The following GCM1 variants were observed in gnomAD, a reference collection of about 807,000 sequenced individuals.
GCM1 encodes the protein chorion-specific transcription factor GCMa.
Under a neutral mutation model 25.7 loss-of-function variants are expected in GCM1, and 2 were observed. The ratio of observed to expected loss-of-function variants is 0.08; its 90% confidence interval spans 0.03 to 0.24. The LOEUF is 0.24. GCM1 is among the 10% of genes least tolerant of loss of function. GCM1 has a pLI of 1.00. For missense variants in GCM1, 395 were observed against 538.7 expected (o/e 0.73, Z 2.64); for synonymous variants, 183 against 195.7 (o/e 0.94, Z 0.54).
intron 2 of GCM1, among the ~76,000 whole-genome samples, chr6:53,137,345 C>G (rs1763815639): frequency 6.6e-6 from 1 of 152,238 alleles, no homozygotes; most frequent in Admixed American, 6.5e-5. Flanking sequence ...CTCCTGCTCT[C>G]TCCACCCACC....
At chr6:53,133,489 G>A (rs1481996014) in intron 3 of GCM1, among the ~76,000 whole-genome samples, 1 of 151,700 alleles carries the variant, frequency 6.6e-6, no homozygotes, top group Admixed American at 6.6e-5. Flanking sequence ...ACAGTGCCCG[G>A]CCATTTTTCC....
At chr6:53,135,835 A>G (rs1763790723) in intron 2 of GCM1, among the ~76,000 whole-genome samples, 1 of 152,284 alleles carries the variant, frequency 6.6e-6, no homozygotes, top group African/African-American at 2.4e-5. Flanking sequence ...AGTAAATGTC[A>G]GTGTCAGGAT....
intron 3 of GCM1, among the ~76,000 whole-genome samples, chr6:53,133,331 ATGTGTG>A (rs5876306): frequency 9.6e-5 from 14 of 145,204 alleles, no homozygotes; most frequent in East Asian, 6.2e-4. Flanking sequence ...CACCCGGCAA[ATGTGTG>A]TGTGTGTGTG....
intron 1 of GCM1, among the ~76,000 whole-genome samples, chr6:53,146,194 T>TATA (rs1562092511): frequency 1.4e-3 from 145 of 100,598 alleles, no homozygotes; most frequent in African/African-American, 5.7e-3. Flanking sequence ...CATATATGTT[T>TATA]TATATATATA....
At chr6:53,130,966 A>G in intron 4 of GCM1, 35 bp from the exon 5 acceptor site, 2 of 1,584,798 alleles carry the variant, frequency 1.3e-6, no homozygotes, top group Non-Finnish European at 1.7e-6. Context: ...AGGAAATGAT[A>G]TAACACTAAC....
chr6:53,128,823 G>T lies in GCM1; in HGVS notation c.694C>A (p.Leu232Ile). 1 of 1,613,770 alleles carries T rather than the reference G, an allele frequency of 6.2e-7. No individual in the cohort carries two copies. Among genetic ancestry groups the T allele is most frequent in the South Asian group, 1.1e-5 (1 of 91,086 alleles). ...TTGGAGAAGGAAAAGCAATCATTTA[G>T]TGAGTTCTGCTGAGGAGTGTTAGCT... Reference protein sequence around the residue: ...LIANTPQQNSLNDCFSFSKSY... With the variant: ...LIANTPQQNSINDCFSFSKSY... Residue 232 changes from leucine (L) to isoleucine (I), a missense_variant, in exon 6 of 6, where the codon CTA (leucine) becomes ATA (isoleucine). Leu to Ile is a conservative substitution (Grantham distance 5). Around this residue, in one of 5 missense-constraint regions of GCM1, gnomAD observed 291 missense variants for 314.6 expected, o/e 0.92. Coordinates refer to ENST00000259803, the MANE Select transcript of GCM1 (RefSeq NM_003643.4).
rs1333882405 is a variant in GCM1, at chr6:53,128,684, T to C, written c.833A>G (p.Asp278Gly). Residue 278 changes from aspartate (D) to glycine (G), a missense_variant, in exon 6 of 6, where the codon GAC becomes GGC. By Grantham distance (94) the Asp-to-Gly change is moderately conservative. Coordinates refer to ENST00000259803, the MANE Select transcript of GCM1 (RefSeq NM_003643.4). ...LSSSRTYSSGDLLPPSASGVY... is the reference protein window; with the variant it reads ...LSSSRTYSSGGLLPPSASGVY... ...TCCGGAGGCAGAAGGAGGAAGCAGG[T>C]CTCCACTACTGTAGGTTCTGCTACT... is the stretch of plus-strand genomic sequence containing the variant. 1.2e-6 allele frequency: 2 copies of C among 1,613,874 alleles called. No homozygotes were observed. The highest frequency in any genetic ancestry group is 2.7e-5 in the African/African-American group (2 of 74,908).
intron 2 of GCM1, among the ~76,000 whole-genome samples, chr6:53,136,096 G>C (rs966217261): frequency 6.6e-6 from 1 of 152,248 alleles, no homozygotes; most frequent in South Asian, 2.1e-4. Flanking sequence ...ATAAATGAGA[G>C]GTTTTAGGTA....
chr6:53,132,125 A>G lies in GCM1; in HGVS notation c.329-6T>C, dbSNP rs1763735940. ...ACAGTTGGGACAGCGTTTCCCTACA[A>G]AAGAGCAGAGGAAAATGACCACACC... On this transcript the variant is annotated splice_polypyrimidine_tract_variant and splice_region_variant and intron_variant, in intron 3 of 5. Transcript: ENST00000259803. The G allele has an allele frequency of 1.3e-6, 2 of 1,580,670 alleles. No individual in the cohort carries two copies. Among genetic ancestry groups the G allele is most frequent in the Admixed American group, 1.7e-5 (1 of 59,962 alleles).
In GCM1 at chr6:53,146,204, A is replaced by G. The variant is rs9382177; in HGVS notation, c.-136-436T>C. ...AAATACATATATGTTTTATATATATATATATATATATATTTTTTTTTTTTT... is the reference window on the plus strand; with the variant it reads ...AAATACATATATGTTTTATATATATGTATATATATATATTTTTTTTTTTTT... On this transcript the variant is annotated intron_variant, in intron 1 of 5. Transcript: ENST00000259803. 2.8e-3 allele frequency among the ~76,000 whole-genome samples: 126 copies of G among 45,414 alleles called. 2 individuals carry two copies. The highest frequency in any genetic ancestry group is 0.01 in the Middle Eastern group (1 of 96). 29.8% of individuals were successfully genotyped at this position (45,414 alleles called of 152,430 possible).
Position 53,128,738 on chromosome 6 carries a change from ATGGGGTCCACAG to A in GCM1, c.767_778del (p.Thr256_Pro259del). On this transcript the variant is annotated inframe_deletion, in exon 6 of 6. Transcript: ENST00000259803. ...CAATTTGCGCTTTTCATAGAGCTTC[ATGGGGTCCACAG>A]TGGAAGTCTGGTCAGTCAGATCTGT... 1 of 1,613,938 alleles carries A rather than the reference ATGGGGTCCACAG, an allele frequency of 6.2e-7. No individual in the cohort carries two copies. Among genetic ancestry groups the A allele is most frequent in the Non-Finnish European group, 8.5e-7 (1 of 1,179,810 alleles).
intron 2 of GCM1, among the ~76,000 whole-genome samples, chr6:53,138,084 C>A (rs1209214858): frequency 6.6e-6 from 1 of 152,022 alleles, no homozygotes; most frequent in Non-Finnish European, 1.5e-5. Context: ...GAGTTCAAGA[C>A]CAGACTGGCT....
intron 2 of GCM1, among the ~76,000 whole-genome samples, chr6:53,141,190 A>G (rs544636458): frequency 1.3e-5 from 2 of 152,316 alleles, no homozygotes; most frequent in East Asian, 3.9e-4. Context: ...ACAGAAGTTA[A>G]CATAGCTTAA....
chr6:53,133,666 A>AT (rs139958592), intron 3 of GCM1, among the ~76,000 whole-genome samples: 15 of 151,670 alleles, frequency 9.9e-5, no homozygotes, highest in South Asian at 2.1e-4. Context: ...TAATTTTTAA[A>AT]TTTTTTTGTA....
In GCM1 at chr6:53,128,333, G is replaced by A. The variant is rs12207430; in HGVS notation, c.1184C>T (p.Ser395Phe). The A allele has an allele frequency of 6.2e-7, 1 of 1,614,082 alleles. No individual in the cohort carries two copies. The highest frequency in any genetic ancestry group is 8.5e-7 in the Non-Finnish European group (1 of 1,179,966). ...QEDPFLFTYA[S>F]HPHQQYSLPS... is the part of the protein sequence containing the mutation. ...CAGTGAATATTGCTGATGAGGATGAGAGGCGTAGGTGAAGAGAAAGGGGTC... is the reference window on the plus strand; with the variant it reads ...CAGTGAATATTGCTGATGAGGATGAAAGGCGTAGGTGAAGAGAAAGGGGTC... The change falls in exon 6 of 6, where the codon TCT (serine) becomes TTT (phenylalanine). Residue 395 changes from serine (S) to phenylalanine (F), a missense_variant. Around this residue, in one of 5 missense-constraint regions of GCM1, gnomAD observed 291 missense variants for 314.6 expected, o/e 0.92. Coordinates refer to ENST00000259803, the MANE Select transcript of GCM1 (RefSeq NM_003643.4).
chr6:53,141,081 C>G (rs982890887), intron 2 of GCM1, among the ~76,000 whole-genome samples: 2 of 152,164 alleles, frequency 1.3e-5, no homozygotes, highest in African/African-American at 2.4e-5. Flanking sequence ...TTGAACTGCA[C>G]ACTCCTTTCA....
At chr6:53,129,948 C>T (rs1433561512) in intron 5 of GCM1, among the ~76,000 whole-genome samples, 1 of 152,122 alleles carries the variant, frequency 6.6e-6, no homozygotes, top group African/African-American at 2.4e-5. Context: ...GGTAAAACTA[C>T]TAGCTGTTAA....
At position 53,145,739 on chromosome 6, in the gene GCM1, C is replaced by A; in HGVS notation, c.-107G>T. ...ATATAGCTGGATCGGCCCACTCAAGCACCTTGGACCAGGAGATTGTTTTCT... is the reference window on the plus strand; with the variant it reads ...ATATAGCTGGATCGGCCCACTCAAGAACCTTGGACCAGGAGATTGTTTTCT... On this transcript the variant is annotated 5_prime_UTR_variant, in exon 2 of 6. Transcript: ENST00000259803. The A allele has an allele frequency of 2.9e-6, 2 of 682,758 alleles. No individual in the cohort carries two copies. Among genetic ancestry groups the A allele is most frequent in the South Asian group, 3.5e-5 (2 of 57,124 alleles). 42.3% of individuals were successfully genotyped at this position (682,758 alleles called of 1,614,324 possible). A position where few individuals can be genotyped will look rare whatever the true frequency, so the allele number is the denominator to read the frequency against.
rs554763679 is a variant in GCM1 at position 53,142,568 on chromosome 6, A to G, written c.75+2990T>C. ...TAGGGAACACTATTCTAAACATCTTAGAGACTGAGGCAGGATATGTGGAGA... is the reference window on the plus strand; with the variant it reads ...TAGGGAACACTATTCTAAACATCTTGGAGACTGAGGCAGGATATGTGGAGA... On this transcript the variant is annotated intron_variant, in intron 2 of 5. Coordinates refer to ENST00000259803, the MANE Select transcript of GCM1 (RefSeq NM_003643.4). Among the ~76,000 whole-genome samples the G allele has an allele frequency of 3.9e-5, 6 of 152,292 alleles. No homozygotes were observed. The East Asian group carries it at 1.2e-3, about 29-fold the overall frequency.
Sources: gnomAD v4.1 joint callset for allele counts (sites outside exome capture counted in the v4.1 genomes callset) on GRCh38, gnomAD v4.1.1 for gene constraint, gnomAD v4.1.1 regional missense constraint, MANE v1.5 for transcripts, NCBI Gene and HGNC (gene_info 2026-07-23, HGNC 2026-07-21) for gene names.